Variants in CD58 observed in about 807,000 individuals in gnomAD.
The protein encoded by CD58 is CD58 molecule, also known as lymphocyte function-associated antigen 3.
A neutral mutation model predicts 27.6 loss-of-function variants in CD58; 14 were observed. The ratio of observed to expected loss-of-function variants is 0.51; its 90% CI spans 0.34 to 0.79. The LOEUF is 0.79. Ranked by LOEUF, CD58 falls within the 30% of genes least tolerant of loss-of-function variation. CD58 has a pLI of 0.02. For missense variants in CD58, 268 were observed against 301.7 expected (o/e 0.89, Z 0.83); for synonymous variants, 117 against 103.8 (o/e 1.13, Z -0.77).
chr1:116,539,267 T>C (rs1326192753), intron 2 of CD58, among the ~76,000 whole-genome samples: 1 of 151,826 alleles, frequency 6.6e-6, no homozygotes, highest in Non-Finnish European at 1.5e-5. Context: ...ATGAGAAGAG[T>C]CACTGAGTAG....
At chr1:116,561,268 G>A (rs1413472063) in intron 1 of CD58, among the ~76,000 whole-genome samples, 1 of 152,096 alleles carries the variant, frequency 6.6e-6, no homozygotes, top group Non-Finnish European at 1.5e-5. Flanking sequence ...ACATAGCAAC[G>A]AATACAATGA....
In CD58 at chr1:116,570,956, T is replaced by C; in HGVS notation, c.17A>G (p.Asp6Gly). The change falls in exon 1 of 6, where the codon GAC becomes GGC. Residue 6 changes from aspartate (D) to glycine (G), a missense_variant. Physicochemically the swap from Asp to Gly is moderately conservative, Grantham distance 94. Coordinates refer to ENST00000369489, the MANE Select transcript of CD58 (RefSeq NM_001779.3). The surrounding 1 kb of genome is among the most constrained non-coding windows in gnomAD (Gnocchi z 6.4). MVAGS[D>G]AGRALGVLSV... Reference sequence around the variant, plus strand: ...GAGGACCCCCAGGGCCCGCCCCGCGTCGCTCCCAGCAACCATGGCTCGTCG... The same window carrying C: ...GAGGACCCCCAGGGCCCGCCCCGCGCCGCTCCCAGCAACCATGGCTCGTCG... 6.4e-7 allele frequency: 1 copy of C among 1,562,550 alleles called. No homozygotes were observed.
Position 116,517,422 on chromosome 1 carries a change from T to G in CD58, c.743+1809A>C, listed in dbSNP as rs1657114857. ...CTGCCACAGCTTGTTTCTCCTGCAC[T>G]GTTCCACCTGGCAGCTGAGGAGAAA... On this transcript the variant is annotated intron_variant, in intron 5 of 5. Coordinates refer to ENST00000369489, the MANE Select transcript of CD58 (RefSeq NM_001779.3). The surrounding 1 kb of genome is among the most constrained non-coding windows in gnomAD (Gnocchi z 6.5). Among the ~76,000 whole-genome samples, 1 of 152,154 alleles carries G rather than the reference T, an allele frequency of 6.6e-6. No homozygotes were observed. Among genetic ancestry groups the G allele is most frequent in the African/African-American group, 2.4e-5 (1 of 41,428 alleles).
Position 116,536,678 on chromosome 1 carries a change from C to G in CD58, c.365-450G>C, listed in dbSNP as rs549469541. ...CCTTCTGCCATGATTGTAAGTTTCC[C>G]GAGGCCTCCCCAGCCATGTGGAACT... On this transcript the variant is annotated intron_variant, in intron 2 of 5. Coordinates refer to ENST00000369489, the MANE Select transcript of CD58 (RefSeq NM_001779.3). The surrounding 1 kb of genome is among the most constrained non-coding windows in gnomAD (Gnocchi z 5.4). Among the ~76,000 whole-genome samples the G allele has an allele frequency of 2.6e-5, 4 of 152,090 alleles. No individual in the cohort carries two copies. Among genetic ancestry groups the G allele is most frequent in the Admixed American group, 2.6e-4 (4 of 15,266 alleles).
Position 116,570,961 on chromosome 1 carries a change from C to A in CD58, c.12G>T (p.Gly4=). The A allele has an allele frequency of 1.3e-6, 2 of 1,562,060 alleles. No homozygotes were observed. The highest frequency in any genetic ancestry group is 2.3e-5 in the East Asian group (1 of 42,596). Residue 4 remains glycine (G), a synonymous_variant, in exon 1 of 6, where the codon GGG becomes GGT. Coordinates refer to ENST00000369489, the MANE Select transcript of CD58 (RefSeq NM_001779.3). This position sits in a 1 kb window ranked among gnomAD's most constrained non-coding sequence, Gnocchi z 6.4. MVA[G]SDAGRALGVL... ...CCCCCAGGGCCCGCCCCGCGTCGCT[C>A]CCAGCAACCATGGCTCGTCGGGCCG...
Position 116,538,987 on chromosome 1 carries a change from C to T in CD58, c.365-2759G>A, listed in dbSNP as rs1657904869. Among the ~76,000 whole-genome samples the T allele has an allele frequency of 6.6e-6, 1 of 152,218 alleles. No homozygotes were observed. The highest frequency in any genetic ancestry group is 1.5e-5 in the Non-Finnish European group (1 of 68,038). Reference sequence around the variant, plus strand: ...CTGAGTGCATATCCCAGCTTCATGACTAAGAGCCATTTGACATTGGGCAAG... The same window carrying T: ...CTGAGTGCATATCCCAGCTTCATGATTAAGAGCCATTTGACATTGGGCAAG... On this transcript the variant is annotated intron_variant, in intron 2 of 5. Coordinates refer to ENST00000369489, the MANE Select transcript of CD58 (RefSeq NM_001779.3). The surrounding 1 kb of genome is among the most constrained non-coding windows in gnomAD (Gnocchi z 4.7).
chr1:116,558,971 C>T (rs1312411010), intron 1 of CD58, among the ~76,000 whole-genome samples: 2 of 152,052 alleles, frequency 1.3e-5, no homozygotes, highest in African/African-American at 4.8e-5. Flanking sequence ...TAGCAATGAA[C>T]AAAACAGACA....
chr1:116,555,517 G>T (rs1658532871), intron 1 of CD58, among the ~76,000 whole-genome samples: 1 of 152,110 alleles, frequency 6.6e-6, no homozygotes, highest in Non-Finnish European at 1.5e-5. Flanking sequence ...GATTTTCTAT[G>T]CTAGCCAGAT....
Position 116,534,834 on chromosome 1 carries a change from T to G in CD58, c.628+1131A>C, listed in dbSNP as rs1222106055. 6.6e-6 allele frequency among the ~76,000 whole-genome samples: 1 copy of G among 152,220 alleles called. No individual in the cohort carries two copies. Among genetic ancestry groups the G allele is most frequent in the African/African-American group, 2.4e-5 (1 of 41,462 alleles). On this transcript the variant is annotated intron_variant, in intron 3 of 5. Transcript: ENST00000369489. The surrounding 1 kb of genome is among the most constrained non-coding windows in gnomAD (Gnocchi z 5.3). ...ATGGCTCACCAGTTAAAATCCAAGTTTCATATATTTCTTGTATTTGCTAAT... is the reference window on the plus strand; with the variant it reads ...ATGGCTCACCAGTTAAAATCCAAGTGTCATATATTTCTTGTATTTGCTAAT...
rs1324266288 is a variant in CD58, at chr1:116,528,805, T to G, written c.629-6822A>C. Among the ~76,000 whole-genome samples, 1 of 152,212 alleles carries G rather than the reference T, an allele frequency of 6.6e-6. No individual in the cohort carries two copies. The highest frequency in any genetic ancestry group is 6.5e-5 in the Admixed American group (1 of 15,280). On this transcript the variant is annotated intron_variant, in intron 3 of 5. Transcript: ENST00000369489. This position sits in a 1 kb window ranked among gnomAD's most constrained non-coding sequence, Gnocchi z 4.4. ...CAAATATATAACTGGCCTATTGGAC[T>G]ACCCCTCTTCTTACTTAAAGCCCAG...
rs189904402 is a variant in CD58, at chr1:116,565,758, G to A, written c.70+5145C>T. Among the ~76,000 whole-genome samples the A allele has an allele frequency of 4.0e-4, 58 of 146,650 alleles. No individual in the cohort carries two copies. In the East Asian group the frequency reaches 4.6e-3, roughly 12 times the overall value. ...TTTTTTTGAGACAGAGTCTCACTCC[G>A]TCACCCAGGCTGGAGTGCAGTGTTG... On this transcript the variant is annotated intron_variant, in intron 1 of 5. Transcript: ENST00000369489.
rs186527462 is a variant in CD58 at position 116,532,351 on chromosome 1, C to A, written c.628+3614G>T. Among the ~76,000 whole-genome samples the A allele has an allele frequency of 5.8e-4, 88 of 152,284 alleles. No homozygotes were observed. Among genetic ancestry groups the A allele is most frequent in the African/African-American group, 2.1e-3 (86 of 41,564 alleles). On this transcript the variant is annotated intron_variant, in intron 3 of 5. Coordinates refer to ENST00000369489, the MANE Select transcript of CD58 (RefSeq NM_001779.3). The surrounding 1 kb of genome is among the most constrained non-coding windows in gnomAD (Gnocchi z 5.1). ...CTCGCCTGAGCTGGTGTGCCACAAC[C>A]CTGACCCAACCCTTAAAAAAGAAGA...
rs920218075 is a variant in CD58, at chr1:116,516,373, C to T, written c.744-1551G>A. ...CAATCTCAGCCCCAAATACTCAGGTCTCTCCCTAGAATGCCACCTTAGAGA... is the reference window on the plus strand; with the variant it reads ...CAATCTCAGCCCCAAATACTCAGGTTTCTCCCTAGAATGCCACCTTAGAGA... On this transcript the variant is annotated intron_variant, in intron 5 of 5. Transcript: ENST00000369489. This position sits in a 1 kb window ranked among gnomAD's most constrained non-coding sequence, Gnocchi z 6.1. Among the ~76,000 whole-genome samples, 13 of 152,200 alleles carry T rather than the reference C, an allele frequency of 8.5e-5. No individual in the cohort carries two copies. Among genetic ancestry groups the T allele is most frequent in the African/African-American group, 3.1e-4 (13 of 41,442 alleles).
chr1:116,561,574 C>G lies in CD58; in HGVS notation c.70+9329G>C, dbSNP rs76225180. On this transcript the variant is annotated intron_variant, in intron 1 of 5. Coordinates refer to ENST00000369489, the MANE Select transcript of CD58 (RefSeq NM_001779.3). ...TGATATTAAATACAATTTTGCATGA[C>G]TGGTAATTGTGCTGACCTATATTTC... 4.5e-3 allele frequency among the ~76,000 whole-genome samples: 688 copies of G among 152,298 alleles called. 1 individual carries two copies. The highest frequency in any genetic ancestry group is 0.015 in the African/African-American group (631 of 41,554).
At position 116,570,221 on chromosome 1, in the gene CD58, GGTT is replaced by G. The variant is rs779200392; in HGVS notation, c.70+679_70+681del. Among the ~76,000 whole-genome samples the G allele has an allele frequency of 1.3e-5, 2 of 152,188 alleles. No homozygotes were observed. The highest frequency in any genetic ancestry group is 2.4e-5 in the African/African-American group (1 of 41,444). On this transcript the variant is annotated intron_variant, in intron 1 of 5. Transcript: ENST00000369489. The surrounding 1 kb of genome is among the most constrained non-coding windows in gnomAD (Gnocchi z 6.4). ...GGGAAGAAGGGGACCTATTTCCTGA[GGTT>G]GTTGTGACGACTTGGCTGACAACAC...
At chr1:116,551,298 A>G (rs1658380781) in intron 1 of CD58, among the ~76,000 whole-genome samples, 1 of 152,230 alleles carries the variant, frequency 6.6e-6, no homozygotes, top group African/African-American at 2.4e-5. Context: ...TGTTTCATGT[A>G]TCCTGCACCA....
At position 116,519,769 on chromosome 1, in the gene CD58, CAT is replaced by C. The variant is rs1271977880; in HGVS notation, c.707-504_707-503del. Among the ~76,000 whole-genome samples, 11 of 152,226 alleles carry C rather than the reference CAT, an allele frequency of 7.2e-5. No homozygotes were observed. In the East Asian group the frequency reaches 1.9e-3, roughly 27 times the overall value. On this transcript the variant is annotated intron_variant, in intron 4 of 5. Transcript: ENST00000369489. The surrounding 1 kb of genome is among the most constrained non-coding windows in gnomAD (Gnocchi z 4.7). ...ATTCTTTCACACACGGTCTTAGAAA[CAT>C]ATTATTTTACACTCACAGCACATGA...
At chr1:116,537,379 T>G (rs1353214259) in intron 2 of CD58, among the ~76,000 whole-genome samples, 1 of 151,902 alleles carries the variant, frequency 6.6e-6, no homozygotes, top group Non-Finnish European at 1.5e-5. Flanking sequence ...TTCCAAAATG[T>G]AAAAAAAAAT....
chr1:116,518,535 T>A (rs1298152146), intron 5 of CD58, among the ~76,000 whole-genome samples: 11 of 152,024 alleles, frequency 7.2e-5, no homozygotes, highest in Non-Finnish European at 7.4e-5. Flanking sequence ...CATCTTTCTC[T>A]AATGCCTCAA....
Sources: allele counts gnomAD v4.1 joint callset (sites outside exome capture counted in the v4.1 genomes callset), GRCh38; gene constraint gnomAD v4.1.1; non-coding constraint Gnocchi (gnomAD v3.1); transcripts MANE v1.5; gene names NCBI Gene and HGNC (gene_info 2026-07-23, HGNC 2026-07-21).